Variants in FAM221B observed in about 807,000 individuals in gnomAD.
FAM221B encodes the protein protein FAM221B.
In FAM221B, 35 loss-of-function variants were observed where a neutral mutation model predicts 39.8. That is an observed-to-expected ratio of 0.88 (90% CI 0.67 to 1.17). The LOEUF (loss-of-function observed/expected upper bound fraction) is 1.17. Ranked by LOEUF, FAM221B falls within the 50% of genes most tolerant of loss-of-function variation. The pLI, the probability that FAM221B is intolerant of heterozygous loss-of-function variation, is 0.00. For synonymous variants in FAM221B, 158 were observed against 178.1 expected, an observed-to-expected ratio of 0.89 and a Z score of 0.90; for missense variants, 479 against 503.1, an observed-to-expected ratio of 0.95 and a Z score of 0.46.
At chr9:35,819,681 A>AT (rs1392165806) in intron 4 of FAM221B, among the ~76,000 whole-genome samples, 1 of 151,820 alleles carries the variant, frequency 6.6e-6, no homozygotes, top group Admixed American at 6.6e-5. Context: ...TTATTTATTT[A>AT]TTTTTTAGTA....
chr9:35,828,326 AACAACAACTACTACTACTACTACTACT>A lies in FAM221B; in HGVS notation c.-1+110_-1+136del, dbSNP rs1343967521. On this transcript the variant is annotated intron_variant, in intron 1 of 6. Transcript: ENST00000423537. This position sits in a 1 kb window ranked among gnomAD's most constrained non-coding sequence, Gnocchi z 4.5. ...CAACAACAACAACAACAACAACAAC[AACAACAACTACTACTACTACTACTACT>A]ACTACTACTACTACTACTACTACTA... 7.2e-6 allele frequency: 1 copy of A among 139,362 alleles called. No homozygotes were observed. Among genetic ancestry groups the A allele is most frequent in the Admixed American group, 7.3e-5 (1 of 13,640 alleles). 8.6% of individuals were successfully genotyped at this position (139,362 alleles called of 1,614,324 possible).
In FAM221B at chr9:35,818,474, A is replaced by G. The variant is rs1345289203; in HGVS notation, c.1204T>C (p.Leu402=). 7.1e-6 allele frequency: 11 copies of G among 1,551,618 alleles called. No homozygotes were observed. The highest frequency in any genetic ancestry group is 1.4e-5 in the African/African-American group (1 of 73,046). ...ATTGCTGATCTGGGCCAGACTCACA[A>G]AGGCCTGTGCCAGTTGCTGACAGTG... ...TDTVSNWHRP[L] is the part of the protein sequence containing the mutation. The change falls in exon 7 of 7, where the codon TTG becomes CTG. Residue 402 remains leucine, a synonymous_variant. Transcript: ENST00000423537.
Position 35,828,278 on chromosome 9 carries a change from C to T in FAM221B, c.-1+185G>A, listed in dbSNP as rs768766592. On this transcript the variant is annotated intron_variant, in intron 1 of 6. Coordinates refer to ENST00000423537, the MANE Select transcript of FAM221B (RefSeq NM_001012446.4). The surrounding 1 kb of genome is among the most constrained non-coding windows in gnomAD (Gnocchi z 4.5). ...CTGCACTCCAGCCTGGGGGACAGAGCGAGACTCTGTCTCAAACAACAACAA... is the reference window on the plus strand; with the variant it reads ...CTGCACTCCAGCCTGGGGGACAGAGTGAGACTCTGTCTCAAACAACAACAA... Among the ~76,000 whole-genome samples the T allele has an allele frequency of 3.4e-5, 5 of 148,224 alleles. No homozygotes were observed. Among genetic ancestry groups the T allele is most frequent in the African/African-American group, 7.5e-5 (3 of 40,002 alleles).
At chr9:35,819,555 T>C (rs1313537945) in intron 4 of FAM221B, among the ~76,000 whole-genome samples, 161 bp from the exon 5 acceptor site, 2 of 151,870 alleles carry the variant, frequency 1.3e-5, no homozygotes, top group Non-Finnish European at 2.9e-5. Context: ...TGCAGTGGCA[T>C]GATCTCAGTT....
Position 35,826,146 on chromosome 9 carries a change from T to C in FAM221B, c.16A>G (p.Ile6Val), listed in dbSNP as rs1487551916. Reference protein sequence around the residue: MEAHEIIEEPHITMDA... With the variant: MEAHEVIEEPHITMDA... ...ATGGTGATATGAGGCTCTTCTATGA[T>C]CTCATGTGCTTCCATCTAGTGGTAG... Residue 6 changes from isoleucine (I) to valine (V), a missense_variant, in exon 2 of 7, where the codon ATC becomes GTC. Transcript: ENST00000423537. 2.5e-6 allele frequency: 4 copies of C among 1,588,592 alleles called. No individual in the cohort carries two copies. Among genetic ancestry groups the C allele is most frequent in the African/African-American group, 2.7e-5 (2 of 73,604 alleles).
chr9:35,820,713 AT>A (rs1829131677), intron 3 of FAM221B, among the ~76,000 whole-genome samples: 1 of 152,134 alleles, frequency 6.6e-6, no homozygotes, highest in South Asian at 2.1e-4. Context: ...AAAATTATAT[AT>A]TTTGAGGCTA....
chr9:35,819,979 C>T lies in FAM221B; in HGVS notation c.764G>A (p.Cys255Tyr). The T allele has an allele frequency of 6.2e-7, 1 of 1,613,590 alleles. No homozygotes were observed. Among genetic ancestry groups the T allele is most frequent in the Non-Finnish European group, 8.5e-7 (1 of 1,179,572 alleles). The part of the protein sequence containing the change: ...IQTGLYIGWR[C>Y]PHYLWDCFRI... ...GAAACAGTCCCATAGGTAATGGGGGCAGCGCCAGCCAATGTAGAGACCTAG... is the reference window on the plus strand; with the variant it reads ...GAAACAGTCCCATAGGTAATGGGGGTAGCGCCAGCCAATGTAGAGACCTAG... Residue 255 changes from cysteine to tyrosine, a missense_variant, in exon 4 of 7, where the codon TGC becomes TAC. Physicochemically the swap from Cys to Tyr is radical, Grantham distance 194 (BLOSUM62 -2). Coordinates refer to ENST00000423537, the MANE Select transcript of FAM221B (RefSeq NM_001012446.4).
chr9:35,826,276 G>A, intron 1 of FAM221B, 115 bp from the exon 2 acceptor site: 4 of 777,836 alleles, frequency 5.1e-6, no homozygotes, highest in Non-Finnish European at 8.4e-6. Context: ...TATCAGTGCA[G>A]CTGAGATATA....
rs764042708 is a variant in FAM221B, at chr9:35,825,253, G to T, written c.719C>A (p.Ala240Glu). Residue 240 changes from alanine to glutamate, a missense_variant, in exon 3 of 7, where the codon GCA (alanine) becomes GAA (glutamate). Coordinates refer to ENST00000423537, the MANE Select transcript of FAM221B (RefSeq NM_001012446.4). The surrounding 1 kb of genome is among the most constrained non-coding windows in gnomAD (Gnocchi z 4.2). ...VNNLFQWEKD[A>E]ALNAIQTGLY... is the part of the protein sequence containing the mutation. Reference sequence around the variant, plus strand: ...ACCTGTCTGGATGGCATTCAGGGCTGCATCCTTCTCCCACTGGAAAAGATT... The same window carrying T: ...ACCTGTCTGGATGGCATTCAGGGCTTCATCCTTCTCCCACTGGAAAAGATT... The T allele has an allele frequency of 5.6e-6, 9 of 1,614,134 alleles. No individual in the cohort carries two copies. In the South Asian group the frequency reaches 9.9e-5, roughly 18 times the overall value.
rs1207019030 is a variant in FAM221B at position 35,828,332 on chromosome 9, AACTACT to A, written c.-1+125_-1+130del. On this transcript the variant is annotated intron_variant, in intron 1 of 6. Transcript: ENST00000423537. The surrounding 1 kb of genome is among the most constrained non-coding windows in gnomAD (Gnocchi z 4.5). ...CAACAACAACAACAACAACAACAAC[AACTACT>A]ACTACTACTACTACTACTACTACTA... is the stretch of plus-strand genomic sequence containing the variant. The A allele has an allele frequency of 5.6e-4, 61 of 109,046 alleles. No individual in the cohort carries two copies. Among genetic ancestry groups the A allele is most frequent in the African/African-American group, 1.8e-3 (51 of 29,042 alleles). The allele number at this position is 109,046 out of a possible 1,614,324, so 6.8% of individuals were successfully genotyped here.
At chr9:35,818,664 C>G (rs369645477) in intron 6 of FAM221B, among the ~76,000 whole-genome samples, 158 bp from the exon 7 acceptor site, 1 of 152,208 alleles carries the variant, frequency 6.6e-6, no homozygotes, top group Non-Finnish European at 1.5e-5. Flanking sequence ...GTCAGAGTTG[C>G]TGAGGATGGC....
At chr9:35,826,319 G>A (rs927156208) in intron 1 of FAM221B, among the ~76,000 whole-genome samples, 158 bp from the exon 2 acceptor site, 1 of 152,224 alleles carries the variant, frequency 6.6e-6, no homozygotes, top group African/African-American at 2.4e-5. Flanking sequence ...GGGTCCTAGA[G>A]TGTGATGCCA....
At position 35,828,311 on chromosome 9, in the gene FAM221B, AAC is replaced by A. The variant is rs1829488498; in HGVS notation, c.-1+150_-1+151del. Among the ~76,000 whole-genome samples, 1 of 124,214 alleles carries A rather than the reference AAC, an allele frequency of 8.1e-6. No individual in the cohort carries two copies. The highest frequency in any genetic ancestry group is 3.1e-5 in the African/African-American group (1 of 32,296). The allele number at this position is 124,214 out of a possible 152,430, so 81.5% of individuals were successfully genotyped here. Reference sequence around the variant, plus strand: ...TGTCTCAAACAACAACAACAACAACAACAACAACAACAACAACAACAACTACT... The same window carrying A: ...TGTCTCAAACAACAACAACAACAACAAACAACAACAACAACAACAACTACT... On this transcript the variant is annotated intron_variant, in intron 1 of 6. Coordinates refer to ENST00000423537, the MANE Select transcript of FAM221B (RefSeq NM_001012446.4). The surrounding 1 kb of genome is among the most constrained non-coding windows in gnomAD (Gnocchi z 4.5).
In FAM221B at chr9:35,825,961, T is replaced by C; in HGVS notation, c.201A>G (p.Leu67=). ...PLVPSPSQIP[L]EAHSPETHQE... ...GATGGGTTTCAGGGGAATGGGCCTC[T>C]AAGGGGATCTGGGAAGGGGATGGCA... Residue 67 remains leucine, a synonymous_variant, in exon 2 of 7, where the codon TTA becomes TTG. Transcript: ENST00000423537. This position sits in a 1 kb window ranked among gnomAD's most constrained non-coding sequence, Gnocchi z 4.2. 1 of 1,613,894 alleles carries C rather than the reference T, an allele frequency of 6.2e-7. No individual in the cohort carries two copies. The highest frequency in any genetic ancestry group is 8.5e-7 in the Non-Finnish European group (1 of 1,179,960).
At chr9:35,822,047 T>C (rs1829162804) in intron 3 of FAM221B, among the ~76,000 whole-genome samples, 1 of 152,226 alleles carries the variant, frequency 6.6e-6, no homozygotes, top group Non-Finnish European at 1.5e-5. Context: ...ATAAAACACA[T>C]GGCTGTCTTT....
Position 35,825,249 on chromosome 9 carries a change from G to A in FAM221B, c.723C>T (p.Ala241=), listed in dbSNP as rs1293766813. The change falls in exon 3 of 7, where the codon GCC becomes GCT. Residue 241 remains alanine (A), a synonymous_variant. Transcript: ENST00000423537. This position sits in a 1 kb window ranked among gnomAD's most constrained non-coding sequence, Gnocchi z 4.2. The part of the protein sequence containing the change: ...NNLFQWEKDA[A]LNAIQTGLYI... ...GCTCACCTGTCTGGATGGCATTCAGGGCTGCATCCTTCTCCCACTGGAAAA... is the reference window on the plus strand; with the variant it reads ...GCTCACCTGTCTGGATGGCATTCAGAGCTGCATCCTTCTCCCACTGGAAAA... 6.2e-7 allele frequency: 1 copy of A among 1,614,198 alleles called. No homozygotes were observed. Among genetic ancestry groups the A allele is most frequent in the South Asian group, 1.1e-5 (1 of 91,086 alleles).
chr9:35,827,688 C>T lies in FAM221B; in HGVS notation c.-1+775G>A, dbSNP rs542193612. Reference sequence around the variant, plus strand: ...AAGGATTAAGTCCAAATTTCTTGGCCCTGGCATTCAAGGCCTGTCATCATT... The same window carrying T: ...AAGGATTAAGTCCAAATTTCTTGGCTCTGGCATTCAAGGCCTGTCATCATT... On this transcript the variant is annotated intron_variant, in intron 1 of 6. Transcript: ENST00000423537. 2.6e-5 allele frequency among the ~76,000 whole-genome samples: 4 copies of T among 152,240 alleles called. No individual in the cohort carries two copies. In the South Asian group the frequency reaches 8.3e-4, roughly 32 times the overall value.
At chr9:35,824,379 G>C (rs1829241724) in intron 3 of FAM221B, among the ~76,000 whole-genome samples, 1 of 152,136 alleles carries the variant, frequency 6.6e-6, no homozygotes, top group Non-Finnish European at 1.5e-5. Flanking sequence ...CCACTAACAG[G>C]ACTGTCAAGA....
At chr9:35,821,768 G>T in intron 3 of FAM221B, 1 of 414,404 alleles carries the variant, frequency 2.4e-6, no homozygotes, top group East Asian at 7.1e-5. Flanking sequence ...ACTGGAGTTT[G>T]AACAGGGAGA....
Sources: gnomAD v4.1 joint callset for allele counts (sites outside exome capture counted in the v4.1 genomes callset) on GRCh38, gnomAD v4.1.1 for gene constraint, Gnocchi (gnomAD v3.1) non-coding constraint, MANE v1.5 for transcripts, NCBI Gene and HGNC (gene_info 2026-07-23, HGNC 2026-07-21) for gene names.